DHX8: variants seen among roughly 807,000 people sequenced by gnomAD.
DHX8 encodes the protein ATP-dependent RNA helicase DHX8.
DHX8 carries 67 observed loss-of-function variants against 140.7 expected under a neutral mutation model. The observed-to-expected ratio is 0.48, with a 90% CI of 0.39 to 0.58. DHX8 has a LOEUF of 0.58. Ranked by LOEUF, DHX8 falls within the 20% of genes least tolerant of loss-of-function variation. DHX8 has a pLI of 0.00. For missense variants in DHX8, 887 were observed against 1,550.7 expected (o/e 0.57, Z 7.19); for synonymous variants, 533 against 553.2 (o/e 0.96, Z 0.51).
At chr17:43,532,346 AAAATTAGCCGGGCACGGTGG>A (rs1970985541) in intron 2 of DHX8, among the ~76,000 whole-genome samples, 1 of 152,136 alleles carries the variant, frequency 6.6e-6, no homozygotes, top group Non-Finnish European at 1.5e-5. Flanking sequence ...TAAAAATACA[AAAATTAGCCGGGCACGGTGG>A]CTGGTGCCTG....
At position 43,521,353 on chromosome 17, in the gene DHX8, T is replaced by C; in HGVS notation, c.3067-16T>C. ...CTGTTGAGTCGGAAATGTTCCTCTG[T>C]CCCACTGCTTGGCAGGATAAACAAG... On this transcript the variant is annotated splice_polypyrimidine_tract_variant and intron_variant, in intron 20 of 22. Transcript: ENST00000262415. 1 of 1,602,114 alleles carries C rather than the reference T, an allele frequency of 6.2e-7. No homozygotes were observed. Among genetic ancestry groups the C allele is most frequent in the Non-Finnish European group, 8.5e-7 (1 of 1,172,912 alleles).
Position 43,524,175 on chromosome 17 carries a change from G to GC in DHX8, c.*329dup. ...AAGGTGGAGTGGGTGAGCATCTTGT[G>GC]CAGGGACATGGTGAGTGCCCTGATG... is the stretch of plus-strand genomic sequence containing the variant. On this transcript the variant is annotated 3_prime_UTR_variant, in exon 23 of 23. Transcript: ENST00000262415. 8.3e-7 allele frequency: 1 copy of GC among 1,202,488 alleles called. No homozygotes were observed. The highest frequency in any genetic ancestry group is 1.0e-6 in the Non-Finnish European group (1 of 956,742). 74.5% of individuals were successfully genotyped at this position (1,202,488 alleles called of 1,614,324 possible).
chr17:43,489,656 C>T (rs1968385728), intron 2 of DHX8, 122 bp downstream of exon 2: 15 of 610,488 alleles, frequency 2.5e-5, no homozygotes, highest in Non-Finnish European at 3.3e-5. Context: ...AGTGGCGCCA[C>T]CTCAGCTCAC....
intron 9 of DHX8, 136 bp from the exon 10 acceptor site, chr17:43,498,726 G>A (rs536702330): frequency 3.3e-6 from 2 of 599,754 alleles, no homozygotes; most frequent in Non-Finnish European, 5.7e-6. Flanking sequence ...TGAGATTACA[G>A]GCGTGAGCCA....
chr17:43,514,979 A>G (rs1312104375), intron 17 of DHX8, among the ~76,000 whole-genome samples: 1 of 152,156 alleles, frequency 6.6e-6, no homozygotes, highest in Non-Finnish European at 1.5e-5. Context: ...AGTATGTGTG[A>G]GTGAGCTGTG....
rs1282196316 is a variant in DHX8, at chr17:43,524,258, G to A, written c.*411G>A. The A allele has an allele frequency of 2.3e-5, 24 of 1,024,706 alleles. 1 individual carries two copies. The Middle Eastern group carries it at 1.9e-3, about 83-fold the overall frequency. 63.5% of individuals were successfully genotyped at this position (1,024,706 alleles called of 1,614,324 possible). A position where few individuals can be genotyped will look rare whatever the true frequency, so the allele number is the denominator to read the frequency against. On this transcript the variant is annotated 3_prime_UTR_variant, in exon 23 of 23. Coordinates refer to ENST00000262415, the MANE Select transcript of DHX8 (RefSeq NM_004941.3). ...AAGTGTTTGCCCCACTTCCCACCCCGTCTCCAGCCCCTGTACTTTGGCTTG... is the reference window on the plus strand; with the variant it reads ...AAGTGTTTGCCCCACTTCCCACCCCATCTCCAGCCCCTGTACTTTGGCTTG...
At chr17:43,518,318 A>C (rs1186130478) in intron 18 of DHX8, 1 of 152,236 alleles carries the variant, frequency 6.6e-6, no homozygotes, top group Non-Finnish European at 1.5e-5. Context: ...CTTTATATAC[A>C]CTTGAATCGT....
At chr17:43,494,011 C>G (rs2154586396) in intron 8 of DHX8, 125 bp downstream of exon 8, 1 of 887,118 alleles carries the variant, frequency 1.1e-6, no homozygotes. Context: ...TTTTCACACT[C>G]CTGATAAAGA....
At chr17:43,488,159 C>G (rs1304359223) in intron 1 of DHX8, among the ~76,000 whole-genome samples, 1 of 151,364 alleles carries the variant, frequency 6.6e-6, no homozygotes, top group African/African-American at 2.4e-5. Flanking sequence ...GCGCCTGTAG[C>G]CCCAGCTACT....
downstream of DHX8, chr17:43,528,160 CA>C (rs2154587008): frequency 4.0e-6 from 1 of 249,814 alleles, no homozygotes; most frequent in African/African-American, 2.2e-5. Flanking sequence ...ACCCTCCTGC[CA>C]GTATGAAGTT....
intron 2 of DHX8, chr17:43,532,843 C>T (rs1264035987): frequency 8.1e-6 from 13 of 1,613,630 alleles, no homozygotes; most frequent in South Asian, 1.1e-5. Flanking sequence ...GGCAGGGCTC[C>T]GACAGCTGGT....
chr17:43,525,064 G>A lies in DHX8; in HGVS notation c.*1217G>A, dbSNP rs1970565825. On this transcript the variant is annotated 3_prime_UTR_variant, in exon 23 of 23. Transcript: ENST00000262415. Reference sequence around the variant, plus strand: ...CTGCCTCTGCCTCCCAAAGCGCTGGGATTACAGTTGAGAGCCACTGTCCTC... The same window carrying A: ...CTGCCTCTGCCTCCCAAAGCGCTGGAATTACAGTTGAGAGCCACTGTCCTC... 2.0e-6 allele frequency: 2 copies of A among 985,460 alleles called. No homozygotes were observed. Among genetic ancestry groups the A allele is most frequent in the Non-Finnish European group, 2.4e-6 (2 of 830,030 alleles). 61.0% of individuals were successfully genotyped at this position (985,460 alleles called of 1,614,324 possible). A position where few individuals can be genotyped will look rare whatever the true frequency, so the allele number is the denominator to read the frequency against.
chr17:43,500,263 T>C (rs1411890155), intron 11 of DHX8, among the ~76,000 whole-genome samples, 160 bp downstream of exon 11: 1 of 152,046 alleles, frequency 6.6e-6, no homozygotes, highest in Non-Finnish European at 1.5e-5. Context: ...GGCAGGTGGA[T>C]CACCTGAGGT....
chr17:43,531,648 CGA>C (rs1055604402), downstream of DHX8, among the ~76,000 whole-genome samples: 7 of 152,124 alleles, frequency 4.6e-5, no homozygotes, highest in African/African-American at 1.7e-4. Flanking sequence ...CCAGCCTGGG[CGA>C]GAGAGCAAGA....
At chr17:43,489,557 A>T in intron 2 of DHX8, 23 bp downstream of exon 2, 1 of 1,406,904 alleles carries the variant, frequency 7.1e-7, no homozygotes, top group Non-Finnish European at 1.0e-6. Context: ...GGAGAAGATA[A>T]TCTGTAGATA....
At chr17:43,516,964 C>T (rs919780469) in intron 17 of DHX8, among the ~76,000 whole-genome samples, 2 of 152,110 alleles carry the variant, frequency 1.3e-5, no homozygotes, top group Non-Finnish European at 2.9e-5. Context: ...TTGCCTCCCT[C>T]GAACAAACTT....
chr17:43,522,769 C>CAA (rs1567699941), intron 22 of DHX8, among the ~76,000 whole-genome samples: 1 of 136,330 alleles, frequency 7.3e-6, no homozygotes, highest in Admixed American at 7.7e-5. Context: ...AAAAAAAAAA[C>CAA]CAACTACCTA....
chr17:43,516,687 A>C (rs1970130045), intron 17 of DHX8, among the ~76,000 whole-genome samples: 1 of 152,032 alleles, frequency 6.6e-6, no homozygotes, highest in Non-Finnish European at 1.5e-5. Flanking sequence ...GGGCTCATGC[A>C]ATCTGCCCAC....
intron 16 of DHX8, among the ~76,000 whole-genome samples, chr17:43,509,945 C>T (rs1311003365): frequency 2.6e-5 from 4 of 151,328 alleles, no homozygotes; most frequent in Admixed American, 6.6e-5. Context: ...CTGGGATTAC[C>T]GGCGTGAGCC....
Sources: allele counts gnomAD v4.1 joint callset (sites outside exome capture counted in the v4.1 genomes callset), GRCh38; gene constraint gnomAD v4.1.1; transcripts MANE v1.5; gene names NCBI Gene and HGNC (gene_info 2026-07-23, HGNC 2026-07-21).